TSHR: variants seen among roughly 807,000 people sequenced by gnomAD.
TSHR encodes thyroid stimulating hormone receptor.
A neutral mutation model predicts 64.1 loss-of-function variants in TSHR; 51 were observed. The observed-to-expected ratio is 0.80, with a 90% CI of 0.64 to 1.01. The LOEUF (loss-of-function observed/expected upper bound fraction) is 1.01. TSHR is among the 50% of genes least tolerant of loss of function. The pLI, the probability that TSHR is intolerant of heterozygous loss-of-function variation, is 0.00. For missense variants in TSHR, 877 were observed against 942.8 expected (o/e 0.93, Z 0.91); for synonymous variants, 361 against 361.9 (o/e 1.00, Z 0.03).
At chr14:81,099,695 C>T (rs1190142049) in intron 7 of TSHR, among the ~76,000 whole-genome samples, 2 of 152,088 alleles carry the variant, frequency 1.3e-5, no homozygotes, top group Non-Finnish European at 2.9e-5. Context: ...GAAGTCTGGT[C>T]GGCGATAACC....
chr14:81,056,840 T>C (rs1031322747), intron 1 of TSHR, among the ~76,000 whole-genome samples: 10 of 152,222 alleles, frequency 6.6e-5, no homozygotes, highest in African/African-American at 2.2e-4. Context: ...ATTGTAGACA[T>C]CATATCACCT....
intron 1 of TSHR, among the ~76,000 whole-genome samples, chr14:80,964,361 G>A (rs1887188041): frequency 6.6e-6 from 1 of 152,240 alleles, no homozygotes; most frequent in African/African-American, 2.4e-5. Context: ...CTCTGATGAA[G>A]TAGTAAGCAT....
chr14:81,106,307 C>T (rs1407803458), intron 7 of TSHR, among the ~76,000 whole-genome samples: 2 of 152,190 alleles, frequency 1.3e-5, no homozygotes, highest in Non-Finnish European at 2.9e-5. Flanking sequence ...CACCATAAGC[C>T]AAGTCTTCTA....
intron 8 of TSHR, among the ~76,000 whole-genome samples, chr14:81,110,814 C>G (rs953845471): frequency 6.6e-6 from 1 of 152,138 alleles, no homozygotes; most frequent in East Asian, 1.9e-4. Context: ...ATTTTTTCAA[C>G]TAGGACGGCC....
At chr14:80,991,653 C>T (rs1888731282) in intron 1 of TSHR, 2 of 398,330 alleles carry the variant, frequency 5.0e-6, no homozygotes, top group East Asian at 3.6e-5. Context: ...GCTAAGCTGA[C>T]TGCCAAAAGA....
intron 1 of TSHR, among the ~76,000 whole-genome samples, chr14:80,967,744 A>G (rs971806886): frequency 6.6e-6 from 1 of 152,170 alleles, no homozygotes; most frequent in Non-Finnish European, 1.5e-5. Context: ...CTAGCGGACT[A>G]TGTGGACTTT....
chr14:81,087,673 A>C, intron 3 of TSHR: 1 of 419,818 alleles, frequency 2.4e-6, no homozygotes, highest in South Asian at 2.7e-5. Context: ...AAGAAAAAAA[A>C]TTCTGATACT....
At chr14:81,106,861 C>T (rs1459244174) in intron 7 of TSHR, among the ~76,000 whole-genome samples, 1 of 150,206 alleles carries the variant, frequency 6.7e-6, no homozygotes, top group East Asian at 2.0e-4. Flanking sequence ...AGGACAATCG[C>T]TTGAACCCAG....
intron 8 of TSHR, among the ~76,000 whole-genome samples, chr14:81,123,744 A>C (rs540149831): frequency 5.9e-5 from 9 of 152,346 alleles, no homozygotes; most frequent in African/African-American, 2.2e-4. Flanking sequence ...AAGCAGGTGC[A>C]ATATCTAGAG....
intron 8 of TSHR, among the ~76,000 whole-genome samples, chr14:81,131,544 C>T (rs1392586483): frequency 2.6e-5 from 4 of 152,212 alleles, no homozygotes; most frequent in African/African-American, 9.6e-5. Flanking sequence ...ATGTTCTATG[C>T]CCTCACCGTC....
chr14:80,979,885 T>C (rs574897662), intron 1 of TSHR, among the ~76,000 whole-genome samples: 2 of 152,318 alleles, frequency 1.3e-5, no homozygotes, highest in South Asian at 4.1e-4. Context: ...TTGTTCTTGC[T>C]AAACACAGCA....
rs117480430 is a variant in TSHR, at chr14:80,956,322, A to G, written c.170+472A>G. Among the ~76,000 whole-genome samples, 1,220 of 152,324 alleles carry G rather than the reference A, an allele frequency of 8.0e-3. 11 individuals are homozygous for G. Among genetic ancestry groups the G allele is most frequent in the Non-Finnish European group, 9.9e-3 (673 of 68,034 alleles). ...CTGCTGATTCATCAAATTGTTGACA[A>G]AGGTTTAAGCAGGGGCCCTTTTTAA... On this transcript the variant is annotated intron_variant, in intron 1 of 9. Transcript: ENST00000298171.
At chr14:80,958,487 C>A (rs1287105786) in intron 1 of TSHR, among the ~76,000 whole-genome samples, 1 of 152,072 alleles carries the variant, frequency 6.6e-6, no homozygotes, top group East Asian at 1.9e-4. Flanking sequence ...AAACAAGTCA[C>A]ATTCAGTAAA....
intron 4 of TSHR, among the ~76,000 whole-genome samples, chr14:81,089,489 T>C (rs183587695): frequency 6.6e-6 from 1 of 152,340 alleles, no homozygotes; most frequent in African/African-American, 2.4e-5. Flanking sequence ...GTGGGGAACA[T>C]ACAGGTTTCT....
At chr14:81,052,600 G>C (rs148285948) in intron 1 of TSHR, 1 of 152,100 alleles carries the variant, frequency 6.6e-6, no homozygotes, top group South Asian at 2.1e-4. Flanking sequence ...AATTTTGATA[G>C]GATTGCACTG....
intron 1 of TSHR, chr14:81,012,924 G>A (rs925177727): frequency 3.3e-5 from 5 of 152,114 alleles, no homozygotes; most frequent in East Asian, 1.9e-4. Flanking sequence ...TTCTTTTGCT[G>A]TGCAGAAGTT....
intron 8 of TSHR, among the ~76,000 whole-genome samples, chr14:81,122,973 A>G (rs1055479199): frequency 6.6e-6 from 1 of 152,160 alleles, no homozygotes; most frequent in Non-Finnish European, 1.5e-5. Flanking sequence ...TGAAAAATAC[A>G]AAAATTAGCT....
intron 1 of TSHR, chr14:80,983,776 C>A: frequency 2.8e-6 from 1 of 355,448 alleles, no homozygotes; most frequent in Non-Finnish European, 5.2e-6. Context: ...TTACCTGTGA[C>A]AAGCTCTAGG....
chr14:81,005,766 G>GGAGTGAT (rs1889570005), intron 1 of TSHR, among the ~76,000 whole-genome samples: 1 of 152,208 alleles, frequency 6.6e-6, no homozygotes, highest in Non-Finnish European at 1.5e-5. Flanking sequence ...ACGTCAGTAA[G>GGAGTGAT]GAGTGATGAA....
Sources: gnomAD v4.1 joint callset for allele counts (sites outside exome capture counted in the v4.1 genomes callset) on GRCh38, gnomAD v4.1.1 for gene constraint, MANE v1.5 for transcripts, NCBI Gene and HGNC (gene_info 2026-07-23, HGNC 2026-07-21) for gene names.